Variants in PLEKHG7 observed in about 807,000 individuals in gnomAD.
The protein encoded by PLEKHG7 is pleckstrin homology and RhoGEF domain containing G7.
PLEKHG7 carries 77 observed loss-of-function variants against 85.2 expected under a neutral mutation model. The observed-to-expected ratio is 0.90, with a 90% CI of 0.75 to 1.09. The LOEUF (loss-of-function observed/expected upper bound fraction) is 1.09. Among genes scored for constraint, PLEKHG7 ranks in the 50% least tolerant of loss-of-function variants. The pLI, the probability that PLEKHG7 is intolerant of heterozygous loss-of-function variation, is 0.00. For missense variants in PLEKHG7, 777 were observed against 804.3 expected, an observed-to-expected ratio of 0.97 and a Z score of 0.41; for synonymous variants, 301 against 302.4, an observed-to-expected ratio of 1.00 and a Z score of 0.05.
At position 92,772,301 on chromosome 12, in the gene PLEKHG7, T is replaced by C. The variant is rs1041472750; in HGVS notation, c.*2106T>C. 2.0e-5 allele frequency: 3 copies of C among 151,968 alleles called. No individual in the cohort carries two copies. The highest frequency in any genetic ancestry group is 2.1e-4 in the South Asian group (1 of 4,822). The allele number at this position is 151,968 out of a possible 1,614,324, so 9.4% of individuals were successfully genotyped here. On this transcript the variant is annotated 3_prime_UTR_variant, in exon 17 of 17. Transcript: ENST00000344636. ...TTAGTTTTGTTAATTCTCTACAATA[T>C]TAAATGGAATGTCTAAGGCAAAATG...
intron 10 of PLEKHG7, among the ~76,000 whole-genome samples, chr12:92,750,950 A>AAATG (rs1342791215): frequency 6.6e-6 from 1 of 151,860 alleles, no homozygotes; most frequent in Non-Finnish European, 1.5e-5. Context: ...CTCAATAAAT[A>AAATG]AATAAATAAA....
intron 13 of PLEKHG7, among the ~76,000 whole-genome samples, chr12:92,759,256 C>T (rs1872919794): frequency 6.6e-6 from 1 of 152,152 alleles, no homozygotes; most frequent in South Asian, 2.1e-4. Flanking sequence ...AGAATAATGT[C>T]TGTAACATTA....
chr12:92,741,719 A>T, intron 9 of PLEKHG7, 127 bp downstream of exon 9: 1 of 541,334 alleles, frequency 1.8e-6, no homozygotes. Context: ...CTACAAAGGA[A>T]CTGTCCCTTT....
At chr12:92,713,664 G>C (rs1208574323) in intron 3 of PLEKHG7, among the ~76,000 whole-genome samples, 2 of 152,182 alleles carry the variant, frequency 1.3e-5, no homozygotes, top group Non-Finnish European at 2.9e-5. Context: ...CATTGGTCAA[G>C]GGTGTATCTT....
chr12:92,727,374 T>C (rs924472974), intron 3 of PLEKHG7, among the ~76,000 whole-genome samples: 16 of 152,208 alleles, frequency 1.1e-4, no homozygotes, highest in Non-Finnish European at 4.4e-5. Context: ...TATTGAATGT[T>C]GTACCCAATA....
chr12:92,749,872 TTTA>T lies in PLEKHG7; in HGVS notation c.1252-4215_1252-4213del, dbSNP rs1468249228. On this transcript the variant is annotated intron_variant, in intron 10 of 16. Transcript: ENST00000344636. The stretch of plus-strand genomic sequence containing the variant: ...ATTAGGATATTTTATTTTATTTTAT[TTTA>T]TTTTATTTTTTATTTTATTTTATTT... 216 of 145,392 alleles carry T rather than the reference TTTA, an allele frequency of 1.5e-3. 1 individual carries two copies. The highest frequency in any genetic ancestry group is 5.0e-3 in the African/African-American group (204 of 40,452). The allele number at this position is 145,392 out of a possible 1,614,324, so 9.0% of individuals were successfully genotyped here.
At chr12:92,715,716 C>T (rs1165987801) in intron 3 of PLEKHG7, among the ~76,000 whole-genome samples, 1 of 87,460 alleles carries the variant, frequency 1.1e-5, no homozygotes, top group South Asian at 4.7e-4. Context: ...GTTCTTGCCT[C>T]AAAAAAAAAA....
chr12:92,767,606 G>C (rs1873243393), intron 15 of PLEKHG7, among the ~76,000 whole-genome samples: 1 of 151,950 alleles, frequency 6.6e-6, no homozygotes, highest in Non-Finnish European at 1.5e-5. Context: ...ATTTTTTGTA[G>C]TAGAATTTGG....
At chr12:92,746,303 G>A (rs1474964788) in intron 10 of PLEKHG7, among the ~76,000 whole-genome samples, 4 of 152,192 alleles carry the variant, frequency 2.6e-5, no homozygotes, top group Admixed American at 1.3e-4. Context: ...CTGCAGCTGC[G>A]AGAAGCCCCT....
In PLEKHG7 at chr12:92,740,835, A is replaced by G. The variant is rs753382350; in HGVS notation, c.940-18A>G. The G allele has an allele frequency of 4.0e-6, 6 of 1,513,072 alleles. No homozygotes were observed. The African/African-American group carries it at 6.9e-5, about 17-fold the overall frequency. The allele number at this position is 1,513,072 out of a possible 1,614,324, so 93.7% of individuals were successfully genotyped here. ...TTAAAAAACAGAAATTAATGTGTATATATTTTTTATTTCAAAGATCTTTAT... is the reference window on the plus strand; with the variant it reads ...TTAAAAAACAGAAATTAATGTGTATGTATTTTTTATTTCAAAGATCTTTAT... On this transcript the variant is annotated intron_variant, in intron 7 of 16. Transcript: ENST00000344636.
At chr12:92,736,400 A>G (rs1450446961) in intron 5 of PLEKHG7, 82 bp from the exon 6 acceptor site, 2 of 836,994 alleles carry the variant, frequency 2.4e-6, no homozygotes, top group South Asian at 6.2e-5. Flanking sequence ...TTAGGGAATG[A>G]ACGAAAGATG....
At chr12:92,719,347 T>A (rs1428590919) in intron 3 of PLEKHG7, among the ~76,000 whole-genome samples, 7 of 152,240 alleles carry the variant, frequency 4.6e-5, no homozygotes, top group Non-Finnish European at 5.9e-5. Context: ...TGCACTATAT[T>A]TCTTGCATAG....
Position 92,740,924 on chromosome 12 carries a change from TG to T in PLEKHG7, c.1012del (p.Ala338GlnfsTer6). 1 of 1,611,962 alleles carries T rather than the reference TG, an allele frequency of 6.2e-7. No homozygotes were observed. Among genetic ancestry groups the T allele is most frequent in the South Asian group, 1.1e-5 (1 of 90,994 alleles). ...TAGATGTGGATTTATGGAGACTTTT[TG>T]CAAACCTGGAGGAGTTAACTCAGGT... ...LLDVDLWRLF[A>X]NLEELTQTSL... is the part of the protein sequence containing the mutation. On this transcript the variant is annotated frameshift_variant, in exon 8 of 17. Transcript: ENST00000344636. LOFTEE classifies it high-confidence loss of function.
At chr12:92,722,004 T>C (rs1297250063) in intron 3 of PLEKHG7, among the ~76,000 whole-genome samples, 2 of 151,818 alleles carry the variant, frequency 1.3e-5, no homozygotes, top group Non-Finnish European at 2.9e-5. Flanking sequence ...ACTACAGTGA[T>C]TGCTTCCAGT....
chr12:92,730,132 G>GAATA (rs1479224465), intron 4 of PLEKHG7, among the ~76,000 whole-genome samples: 1 of 152,118 alleles, frequency 6.6e-6, no homozygotes, highest in Non-Finnish European at 1.5e-5. Flanking sequence ...GACCACCAGT[G>GAATA]AATACATCAT....
chr12:92,713,583 C>T (rs1470189885), intron 3 of PLEKHG7, among the ~76,000 whole-genome samples: 2 of 152,150 alleles, frequency 1.3e-5, no homozygotes, highest in Non-Finnish European at 2.9e-5. Context: ...TTAGATCTGA[C>T]ATACAGAGAA....
chr12:92,722,048 A>G (rs1871664288), intron 3 of PLEKHG7, among the ~76,000 whole-genome samples: 2 of 151,232 alleles, frequency 1.3e-5, no homozygotes, highest in South Asian at 4.2e-4. Context: ...ACAATCCTGC[A>G]TGAATGCCAC....
At chr12:92,763,804 G>A (rs1873105365) in intron 14 of PLEKHG7, among the ~76,000 whole-genome samples, 1 of 152,026 alleles carries the variant, frequency 6.6e-6, no homozygotes, top group African/African-American at 2.4e-5. Context: ...GGGTGACAGA[G>A]TGAGACCCTG....
At chr12:92,769,867 A>G (rs1873350383) in intron 16 of PLEKHG7, among the ~76,000 whole-genome samples, 1 of 152,226 alleles carries the variant, frequency 6.6e-6, no homozygotes, top group African/African-American at 2.4e-5. Flanking sequence ...TCCAACATGC[A>G]TACCATACTC....
Sources: allele counts gnomAD v4.1 joint callset (sites outside exome capture counted in the v4.1 genomes callset), GRCh38; gene constraint gnomAD v4.1.1; transcripts MANE v1.5; gene names NCBI Gene and HGNC (gene_info 2026-07-23, HGNC 2026-07-21).